KIAA0825: variants seen among roughly 807,000 people sequenced by gnomAD.
KIAA0825 encodes KIAA0825.
A neutral mutation model predicts 147.6 loss-of-function variants in KIAA0825; 119 were observed. That is an observed-to-expected ratio of 0.81 (90% CI 0.69 to 0.94). KIAA0825 has a LOEUF of 0.94. Ranked by LOEUF, KIAA0825 falls within the 40% of genes least tolerant of loss-of-function variation. The probability of loss-of-function intolerance (pLI) is 0.00; values close to 1 mark genes in which losing one functional copy is unlikely to be tolerated. For missense variants in KIAA0825, 1,381 were observed against 1,472.7 expected (o/e 0.94, Z 1.02); for synonymous variants, 470 against 518.1 (o/e 0.91, Z 1.26).
At chr5:94,566,353 A>G (rs114496227) in intron 2 of KIAA0825, among the ~76,000 whole-genome samples, 2,320 of 152,252 alleles carry the variant, frequency 0.015, 64 homozygotes, top group African/African-American at 0.053. Flanking sequence ...ATTAAAAAGC[A>G]GGTACCAAAA....
intron 20 of KIAA0825, among the ~76,000 whole-genome samples, chr5:94,201,326 A>C (rs942544914): frequency 9.2e-5 from 14 of 152,032 alleles, no homozygotes; most frequent in Non-Finnish European, 1.3e-4. Flanking sequence ...TAATAGATTT[A>C]ATAAAATGCA....
At chr5:94,532,980 CTTTTT>C (rs1163019137) in intron 3 of KIAA0825, among the ~76,000 whole-genome samples, 1 of 140,114 alleles carries the variant, frequency 7.1e-6, no homozygotes. Context: ...CATTCTGTGT[CTTTTT>C]TTTTTTTTTT....
At chr5:94,494,887 A>T (rs1033616256) in intron 5 of KIAA0825, among the ~76,000 whole-genome samples, 5 of 152,168 alleles carry the variant, frequency 3.3e-5, no homozygotes, top group Non-Finnish European at 1.5e-5. Context: ...CTCTCAATAT[A>T]ACATGTTAAA....
At chr5:94,338,371 C>G (rs1782020652) in intron 20 of KIAA0825, among the ~76,000 whole-genome samples, 1 of 152,008 alleles carries the variant, frequency 6.6e-6, no homozygotes, top group African/African-American at 2.4e-5. Context: ...CGTTTTGACT[C>G]TGCTTAGGTT....
At chr5:94,557,628 G>A (rs773222397) in intron 2 of KIAA0825, among the ~76,000 whole-genome samples, 8 of 152,050 alleles carry the variant, frequency 5.3e-5, no homozygotes, top group African/African-American at 1.7e-4. Context: ...TAGCTCACAC[G>A]TGACCAATCA....
At chr5:94,499,756 G>A (rs987938058) in intron 5 of KIAA0825, among the ~76,000 whole-genome samples, 4 of 152,098 alleles carry the variant, frequency 2.6e-5, no homozygotes, top group African/African-American at 4.8e-5. Flanking sequence ...GTTCAGTTAA[G>A]AAGATACTCA....
At chr5:94,415,606 A>G (rs1457819722) in intron 15 of KIAA0825, 1 of 152,176 alleles carries the variant, frequency 6.6e-6, no homozygotes, top group African/African-American at 2.4e-5. Context: ...TTTAATGTTT[A>G]TGGAGCAACA....
At chr5:94,449,699 G>C (rs1311972718) in intron 13 of KIAA0825, among the ~76,000 whole-genome samples, 1 of 152,158 alleles carries the variant, frequency 6.6e-6, no homozygotes, top group Admixed American at 6.5e-5. Context: ...TGCAGCACTG[G>C]AAATCATCTG....
intron 20 of KIAA0825, among the ~76,000 whole-genome samples, chr5:94,230,917 A>T (rs1464090954): frequency 1.3e-5 from 2 of 152,154 alleles, no homozygotes; most frequent in African/African-American, 4.8e-5. Context: ...AGTTTAGATT[A>T]GTTTCAATTG....
intron 1 of KIAA0825, among the ~76,000 whole-genome samples, chr5:94,597,873 A>T (rs1785586646): frequency 6.6e-6 from 1 of 152,304 alleles, no homozygotes; most frequent in East Asian, 1.9e-4. Flanking sequence ...AAACATAGAA[A>T]AGGTATGGTA....
chr5:94,364,414 C>T (rs193020236), intron 20 of KIAA0825, among the ~76,000 whole-genome samples: 1 of 151,808 alleles, frequency 6.6e-6, no homozygotes, highest in African/African-American at 2.4e-5. Context: ...TGGAGTCTTG[C>T]TCTGTCGCCC....
intron 5 of KIAA0825, among the ~76,000 whole-genome samples, chr5:94,508,293 T>C (rs543300529): frequency 6.6e-6 from 1 of 152,366 alleles, no homozygotes; most frequent in Non-Finnish European, 1.5e-5. Flanking sequence ...CCAGGAGTTT[T>C]CTATACACAG....
Position 94,520,595 on chromosome 5 carries a change from A to T in KIAA0825, c.623T>A (p.Val208Asp). 1 of 1,613,422 alleles carries T rather than the reference A, an allele frequency of 6.2e-7. No individual in the cohort carries two copies. Among genetic ancestry groups the T allele is most frequent in the Non-Finnish European group, 8.5e-7 (1 of 1,179,544 alleles). Reference sequence around the variant, plus strand: ...CTGTATGTTTTGGTATTTGATTATAACTTCTGATTCTGGATAAAGAAACAA... The same window carrying T: ...CTGTATGTTTTGGTATTTGATTATATCTTCTGATTCTGGATAAAGAAACAA... ...QLLFLYPESE[V>D]IIKYQNIQNK... Residue 208 changes from valine (V) to aspartate (D), a missense_variant, in exon 5 of 21, where the codon GTT (valine) becomes GAT (aspartate). Transcript: ENST00000682413.
At chr5:94,178,129 G>A (rs1391170374) in intron 20 of KIAA0825, among the ~76,000 whole-genome samples, 1 of 151,914 alleles carries the variant, frequency 6.6e-6, no homozygotes, top group Non-Finnish European at 1.5e-5. Flanking sequence ...GTTTCTTGCT[G>A]GGATATTGAT....
intron 1 of KIAA0825, among the ~76,000 whole-genome samples, chr5:94,608,765 C>A (rs1788139380): frequency 6.6e-6 from 1 of 151,144 alleles, no homozygotes; most frequent in Admixed American, 6.6e-5. Context: ...TTGAGCTTTC[C>A]AAGCAAAAAT....
At position 94,396,118 on chromosome 5, in the gene KIAA0825, C is replaced by T. The variant is rs539864689; in HGVS notation, c.3279G>A (p.Arg1093=). 2.4e-5 allele frequency: 35 copies of T among 1,489,158 alleles called. No homozygotes were observed. The highest frequency in any genetic ancestry group is 3.0e-5 in the Non-Finnish European group (34 of 1,119,826). 92.2% of individuals were successfully genotyped at this position (1,489,158 alleles called of 1,614,324 possible). A position where few individuals can be genotyped will look rare whatever the true frequency, so the allele number is the denominator to read the frequency against. Residue 1093 remains arginine (R), a synonymous_variant, in exon 17 of 21, where the codon AGG becomes AGA. Transcript: ENST00000682413. ...NWIERQLLKA[R]KLSTECAFMT... ...CACTTTACCATTCAGTGCTCAGTTT[C>T]CTTGCTTTCAACAATTGACGTTCAA...
intron 6 of KIAA0825, among the ~76,000 whole-genome samples, chr5:94,482,451 C>T (rs1202529975): frequency 6.6e-6 from 1 of 151,980 alleles, no homozygotes; most frequent in Non-Finnish European, 1.5e-5. Flanking sequence ...AAAATAAACA[C>T]GCAGGAAACC....
chr5:94,471,355 A>T, intron 9 of KIAA0825, 111 bp downstream of exon 9: 3 of 1,143,170 alleles, frequency 2.6e-6, no homozygotes, highest in Non-Finnish European at 3.7e-6. Context: ...CACCTTGTTA[A>T]TTATTATTTT....
chr5:94,506,902 T>A (rs535003745), intron 5 of KIAA0825, among the ~76,000 whole-genome samples: 13 of 152,246 alleles, frequency 8.5e-5, no homozygotes, highest in East Asian at 5.8e-4. Context: ...GGATTGTAAT[T>A]CTTATGATGA....
Sources: gnomAD v4.1 joint callset for allele counts (sites outside exome capture counted in the v4.1 genomes callset) on GRCh38, gnomAD v4.1.1 for gene constraint, MANE v1.5 for transcripts, NCBI Gene and HGNC (gene_info 2026-07-23, HGNC 2026-07-21) for gene names.